Variants in AGBL4 observed in about 807,000 individuals in gnomAD.
The protein encoded by AGBL4 is AGBL carboxypeptidase 4, also known as cytosolic carboxypeptidase 6.
A neutral mutation model predicts 66.4 loss-of-function variants in AGBL4; 58 were observed. That is an observed-to-expected ratio of 0.87 (90% CI 0.71 to 1.09). The LOEUF (loss-of-function observed/expected upper bound fraction) is 1.09. Among genes scored for constraint, AGBL4 ranks in the 50% least tolerant of loss-of-function variants. The pLI is 0.00. For synonymous variants in AGBL4, 234 were observed against 222.9 expected (o/e 1.05, Z -0.44); for missense variants, 579 against 631.0 (o/e 0.92, Z 0.88).
intron 3 of AGBL4, among the ~76,000 whole-genome samples, chr1:49,496,024 G>T (rs919247549): frequency 6.6e-6 from 1 of 151,994 alleles, no homozygotes; most frequent in Non-Finnish European, 1.5e-5. Flanking sequence ...ATAAAACAGG[G>T]CCTGTGCCTC....
intron 1 of AGBL4, among the ~76,000 whole-genome samples, chr1:49,969,051 G>C (rs1291198678): frequency 1.3e-5 from 2 of 152,168 alleles, no homozygotes; most frequent in Non-Finnish European, 2.9e-5. Flanking sequence ...TGTCTTTCTA[G>C]TAACATACAA....
At chr1:49,893,318 C>T (rs942634966) in intron 1 of AGBL4, among the ~76,000 whole-genome samples, 1 of 152,092 alleles carries the variant, frequency 6.6e-6, no homozygotes, top group Non-Finnish European at 1.5e-5. Context: ...TCCACAGGAA[C>T]ACCAAATTTA....
At chr1:49,539,680 T>C (rs1324424025) in intron 3 of AGBL4, among the ~76,000 whole-genome samples, 7 of 152,198 alleles carry the variant, frequency 4.6e-5, no homozygotes, top group Non-Finnish European at 1.5e-5. Flanking sequence ...AAAAGAGTTA[T>C]GACTTTTCTG....
intron 6 of AGBL4, among the ~76,000 whole-genome samples, chr1:48,824,807 G>A (rs1646390882): frequency 6.6e-6 from 1 of 152,184 alleles, no homozygotes; most frequent in Non-Finnish European, 1.5e-5. Context: ...GGGCTACGGG[G>A]GCAAGCGAGG....
intron 3 of AGBL4, among the ~76,000 whole-genome samples, chr1:49,520,969 C>T (rs1650213199): frequency 6.6e-6 from 1 of 151,818 alleles, no homozygotes; most frequent in Non-Finnish European, 1.5e-5. Flanking sequence ...CCATCACACC[C>T]AACTAATTTT....
chr1:49,345,649 C>G lies in AGBL4; in HGVS notation c.283-99785G>C, dbSNP rs192621273. ...TGGTGATACTTTCTGTTTTGTTTTT[C>G]AGTCAAGAAAACTTTTCTTTTGAGC... On this transcript the variant is annotated intron_variant, in intron 3 of 13. Transcript: ENST00000371839. Among the ~76,000 whole-genome samples, 1,007 of 152,186 alleles carry G rather than the reference C, an allele frequency of 6.6e-3. 5 individuals are homozygous for G. Among genetic ancestry groups the G allele is most frequent in the Non-Finnish European group, 0.01 (697 of 67,954 alleles).
intron 6 of AGBL4, among the ~76,000 whole-genome samples, chr1:48,693,144 G>A (rs72902833): frequency 0.026 from 3,901 of 152,210 alleles, 158 homozygotes; most frequent in African/African-American, 0.088. Flanking sequence ...TTCTTAAAGC[G>A]CTGATACTAA....
chr1:49,588,711 TGTGCCACATACTACATACTAG>T (rs1173505356), intron 3 of AGBL4, among the ~76,000 whole-genome samples: 3 of 152,218 alleles, frequency 2.0e-5, no homozygotes, highest in Admixed American at 6.5e-5. Flanking sequence ...GGCACCTACA[TGTGCCACATACTACATACTAG>T]GTACTGAAGA....
chr1:48,914,164 A>G (rs1465657625), intron 5 of AGBL4, among the ~76,000 whole-genome samples: 1 of 152,198 alleles, frequency 6.6e-6, no homozygotes, highest in African/African-American at 2.4e-5. Flanking sequence ...CTAGGACGGA[A>G]CCCTGAAGAA....
intron 7 of AGBL4, among the ~76,000 whole-genome samples, chr1:48,661,817 A>G (rs1327992513): frequency 2.0e-5 from 3 of 152,196 alleles, no homozygotes. Flanking sequence ...GTTACATCCA[A>G]TCAGCTGGGG....
At chr1:49,145,512 A>G (rs1646200425) in intron 4 of AGBL4, among the ~76,000 whole-genome samples, 1 of 152,140 alleles carries the variant, frequency 6.6e-6, no homozygotes, top group South Asian at 2.1e-4. Flanking sequence ...TTTCCAGACA[A>G]TTGTTTTAAT....
In AGBL4 at chr1:49,099,487, G is replaced by A. The variant is rs1645163301; in HGVS notation, c.378-53687C>T. Among the ~76,000 whole-genome samples, 4 of 152,102 alleles carry A rather than the reference G, an allele frequency of 2.6e-5. 1 individual carries two copies. In the South Asian group the frequency reaches 8.3e-4, roughly 32 times the overall value. ...TATCAGCACCTCAATCTCCTAAGCT[G>A]CAAAACAAGATCATTTGATTCAACA... On this transcript the variant is annotated intron_variant, in intron 4 of 13. Transcript: ENST00000371839.
intron 3 of AGBL4, among the ~76,000 whole-genome samples, chr1:49,411,223 G>C (rs1462361879): frequency 6.6e-6 from 1 of 152,166 alleles, no homozygotes; most frequent in Non-Finnish European, 1.5e-5. Context: ...AAATAACCTG[G>C]AGTCTGATGT....
intron 1 of AGBL4, among the ~76,000 whole-genome samples, chr1:49,874,196 A>C (rs1216351770): frequency 6.6e-6 from 1 of 152,192 alleles, no homozygotes; most frequent in Non-Finnish European, 1.5e-5. Flanking sequence ...TGTCCCTGAC[A>C]CAAAATCAAC....
intron 11 of AGBL4, among the ~76,000 whole-genome samples, chr1:48,563,681 T>C (rs1353461443): frequency 6.6e-6 from 1 of 152,120 alleles, no homozygotes; most frequent in Non-Finnish European, 1.5e-5. Flanking sequence ...GGTAGGTACA[T>C]AGAAAAATAC....
At chr1:49,633,561 A>G (rs951596045) in intron 3 of AGBL4, among the ~76,000 whole-genome samples, 1 of 152,172 alleles carries the variant, frequency 6.6e-6, no homozygotes, top group African/African-American at 2.4e-5. Context: ...TGGGAAGCTG[A>G]GGTTGGAGGA....
At chr1:49,978,405 C>A (rs1170636868) in intron 1 of AGBL4, among the ~76,000 whole-genome samples, 1 of 152,178 alleles carries the variant, frequency 6.6e-6, no homozygotes, top group Non-Finnish European at 1.5e-5. Flanking sequence ...GACTGTGCCA[C>A]TGCCCTCTAG....
intron 4 of AGBL4, among the ~76,000 whole-genome samples, chr1:49,133,202 C>T (rs1341945355): frequency 6.6e-6 from 1 of 152,020 alleles, no homozygotes; most frequent in Non-Finnish European, 1.5e-5. Context: ...AACACATGGA[C>T]ACAGAGAGGG....
At chr1:48,857,755 T>C (rs1046256367) in intron 6 of AGBL4, among the ~76,000 whole-genome samples, 1 of 152,110 alleles carries the variant, frequency 6.6e-6, no homozygotes, top group Admixed American at 6.5e-5. Context: ...GAGTACATTT[T>C]GAACCTTGGG....
Sources: allele counts gnomAD v4.1 joint callset (sites outside exome capture counted in the v4.1 genomes callset), GRCh38; gene constraint gnomAD v4.1.1; transcripts MANE v1.5; gene names NCBI Gene and HGNC (gene_info 2026-07-23, HGNC 2026-07-21).